The following WDR17 variants were observed in gnomAD, a reference collection of about 807,000 sequenced individuals.
WDR17 encodes WD repeat-containing protein 17.
In WDR17, 143 loss-of-function variants were observed where a neutral mutation model predicts 161.7. The ratio of observed to expected loss-of-function variants is 0.88; its 90% confidence interval spans 0.77 to 1.02. The LOEUF (loss-of-function observed/expected upper bound fraction) is 1.02. Among genes scored for constraint, WDR17 ranks in the 50% least tolerant of loss-of-function variants. The probability of loss-of-function intolerance (pLI) is 0.00; values close to 1 mark genes in which losing one functional copy is unlikely to be tolerated. For missense variants in WDR17, 1,469 were observed against 1,520.9 expected (o/e 0.97, Z 0.57); for synonymous variants, 517 against 515.6 (o/e 1.00, Z -0.04).
At chr4:176,091,168 A>T (rs1008895008) in intron 1 of WDR17, among the ~76,000 whole-genome samples, 1 of 152,214 alleles carries the variant, frequency 6.6e-6, no homozygotes, top group African/African-American at 2.4e-5. Context: ...TATTTACAGA[A>T]CATTTTATCC....
In WDR17 at chr4:176,160,045, C is replaced by T; in HGVS notation, c.2577C>T (p.Cys859=). 2 of 1,613,540 alleles carry T rather than the reference C, an allele frequency of 1.2e-6. No individual in the cohort carries two copies. Among genetic ancestry groups the T allele is most frequent in the Non-Finnish European group, 1.7e-6 (2 of 1,179,622 alleles). Reference sequence around the variant, plus strand: ...ATAAGGATGATGTCATTCCATACTGCATAGCCATTGGTGATGTGAAAAAGC... The same window carrying T: ...ATAAGGATGATGTCATTCCATACTGTATAGCCATTGGTGATGTGAAAAAGC... ...QEDKDDVIPY[C]IAIGDVKKLV... The change falls in exon 19 of 29, where the codon TGC becomes TGT. Residue 859 remains cysteine, a synonymous_variant. Coordinates refer to ENST00000508596, the MANE Select transcript of WDR17 (RefSeq NM_181265.4).
chr4:176,111,396 G>A, intron 1 of WDR17, 179 bp from the exon 2 acceptor site: 1 of 452,262 alleles, frequency 2.2e-6, no homozygotes, highest in Non-Finnish European at 3.6e-6. Context: ...TTGCCTTGAT[G>A]TCTGCAGACA....
intron 22 of WDR17, among the ~76,000 whole-genome samples, chr4:176,166,597 G>A (rs1170823850): frequency 2.0e-5 from 3 of 152,116 alleles, no homozygotes; most frequent in East Asian, 1.9e-4. Flanking sequence ...GTATGAAGAT[G>A]TAATTCTACA....
chr4:176,106,834 C>G (rs1377018850), intron 1 of WDR17, among the ~76,000 whole-genome samples: 1 of 152,060 alleles, frequency 6.6e-6, no homozygotes, highest in Non-Finnish European at 1.5e-5. Flanking sequence ...GCCTATAGGC[C>G]TAGCTACTTG....
intron 1 of WDR17, among the ~76,000 whole-genome samples, chr4:176,102,274 T>C (rs1737945457): frequency 1.3e-5 from 2 of 152,122 alleles, no homozygotes; most frequent in South Asian, 4.1e-4. Context: ...TCAACATCAT[T>C]TGTCTTTGGG....
intron 18 of WDR17, among the ~76,000 whole-genome samples, chr4:176,158,521 A>C (rs1320314022): frequency 1.3e-5 from 2 of 152,216 alleles, no homozygotes; most frequent in East Asian, 3.8e-4. Context: ...CACGAAGATC[A>C]TTAGTTCTCT....
chr4:176,171,576 G>T (rs766719779), intron 23 of WDR17, among the ~76,000 whole-genome samples: 1 of 152,100 alleles, frequency 6.6e-6, no homozygotes, highest in Non-Finnish European at 1.5e-5. Flanking sequence ...TTAAATGAAT[G>T]TATTAATAAA....
chr4:176,099,086 A>T (rs902784767), intron 1 of WDR17, among the ~76,000 whole-genome samples: 2 of 152,154 alleles, frequency 1.3e-5, no homozygotes, highest in Non-Finnish European at 2.9e-5. Flanking sequence ...TTTTGTTTTT[A>T]ATAAATAAGC....
Position 176,171,802 on chromosome 4 carries a change from T to C in WDR17, c.3103-573T>C, listed in dbSNP as rs141988721. Among the ~76,000 whole-genome samples, 51 of 152,278 alleles carry C rather than the reference T, an allele frequency of 3.3e-4. 1 individual carries two copies. Among genetic ancestry groups the C allele is most frequent in the African/African-American group, 1.2e-3 (48 of 41,576 alleles). ...TTTTTTAATGAGGAATGTGGCTTTT[T>C]ATTTTATAGTAATGAAATTTCATGG... On this transcript the variant is annotated intron_variant, in intron 23 of 28. Transcript: ENST00000508596.
At chr4:176,173,929 C>T (rs1751107649) in intron 25 of WDR17, among the ~76,000 whole-genome samples, 1 of 151,258 alleles carries the variant, frequency 6.6e-6, no homozygotes, top group Admixed American at 6.6e-5. Flanking sequence ...TGTACACACA[C>T]ATGCACACCT....
In WDR17 at chr4:176,125,369, C is replaced by T. The variant is rs768066234; in HGVS notation, c.790+14C>T. 1.2e-6 allele frequency: 2 copies of T among 1,611,562 alleles called. No individual in the cohort carries two copies. The highest frequency in any genetic ancestry group is 4.5e-5 in the East Asian group (2 of 44,836). ...TTATAACTGGAGGTAAGCTAATCCC[C>T]ATAACCCAGAGTTTTAAATACGTGT... On this transcript the variant is annotated intron_variant, in intron 5 of 28. Transcript: ENST00000508596.
At chr4:176,107,859 T>G (rs1482551075) in intron 1 of WDR17, among the ~76,000 whole-genome samples, 1 of 151,488 alleles carries the variant, frequency 6.6e-6, no homozygotes, top group Non-Finnish European at 1.5e-5. Flanking sequence ...CCTTTTTTTC[T>G]TCCTTCCTTC....
intron 1 of WDR17, among the ~76,000 whole-genome samples, chr4:176,104,688 A>G (rs976029795): frequency 4.6e-5 from 7 of 152,080 alleles, no homozygotes; most frequent in Admixed American, 4.6e-4. Flanking sequence ...TAACTTTAGC[A>G]TGTTAAGTTT....
In WDR17 at chr4:176,180,842, T is replaced by C. The variant is rs1752087884; in HGVS notation, c.*1263T>C. 6.6e-6 allele frequency: 1 copy of C among 152,228 alleles called. No homozygotes were observed. The highest frequency in any genetic ancestry group is 2.1e-4 in the South Asian group (1 of 4,832). 9.4% of individuals were successfully genotyped at this position (152,228 alleles called of 1,614,324 possible). On this transcript the variant is annotated 3_prime_UTR_variant, in exon 29 of 29. Transcript: ENST00000508596. ...ACTTTTAAAATGTTGTTTAAAAGTG[T>C]GAAGCTATGAAAAGCCTGATAATGT...
In WDR17 at chr4:176,150,021, CT is replaced by C. The variant is rs753135348; in HGVS notation, c.2048-21del. ...AAGTTTTATGAGAAATCTTTTCTCACTGAATTATGTCTGTTCTTCAGATTAT... is the reference window on the plus strand; with the variant it reads ...AAGTTTTATGAGAAATCTTTTCTCACGAATTATGTCTGTTCTTCAGATTAT... On this transcript the variant is annotated intron_variant, in intron 14 of 28. Transcript: ENST00000508596. The C allele has an allele frequency of 6.8e-6, 11 of 1,611,682 alleles. No individual in the cohort carries two copies. In the South Asian group the frequency reaches 1.2e-4, roughly 18 times the overall value.
At chr4:176,121,300 A>G (rs1687254048) in intron 4 of WDR17, among the ~76,000 whole-genome samples, 1 of 152,176 alleles carries the variant, frequency 6.6e-6, no homozygotes, top group Non-Finnish European at 1.5e-5. Flanking sequence ...AGGCAATAGA[A>G]TTCATAGCTT....
chr4:176,085,981 C>T (rs1001108943), intron 1 of WDR17, among the ~76,000 whole-genome samples: 1 of 151,984 alleles, frequency 6.6e-6, no homozygotes, highest in African/African-American at 2.4e-5. Context: ...CTGCAACCCA[C>T]AAATTTCTAT....
At position 176,172,377 on chromosome 4, in the gene WDR17, T is replaced by G; in HGVS notation, c.3105T>G (p.Cys1035Trp). 6.2e-7 allele frequency: 1 copy of G among 1,604,934 alleles called. No homozygotes were observed. The highest frequency in any genetic ancestry group is 1.1e-5 in the South Asian group (1 of 88,242). The stretch of plus-strand genomic sequence containing the variant: ...TTTTCAAATCAATTATTTTCTAGTG[T>G]AAGCTACCCACAGTGGAAGAATGTA... The part of the protein sequence containing the change: ...TEEINDLHDK[C>W]KLPTVEECMQ... The change falls in exon 24 of 29, where the codon TGT becomes TGG. Residue 1035 changes from cysteine (C) to tryptophan (W), a missense_variant and splice_region_variant. Physicochemically the swap from Cys to Trp is radical, Grantham distance 215. Coordinates refer to ENST00000508596, the MANE Select transcript of WDR17 (RefSeq NM_181265.4).
At chr4:176,105,478 G>A (rs1283290799) in intron 1 of WDR17, among the ~76,000 whole-genome samples, 1 of 152,062 alleles carries the variant, frequency 6.6e-6, no homozygotes, top group Admixed American at 6.5e-5. Flanking sequence ...CAAGTATTAA[G>A]CCTCAATAGA....
Sources: allele counts gnomAD v4.1 joint callset (sites outside exome capture counted in the v4.1 genomes callset), GRCh38; gene constraint gnomAD v4.1.1; transcripts MANE v1.5; gene names NCBI Gene and HGNC (gene_info 2026-07-23, HGNC 2026-07-21).